Variants in HMGCS2 observed in about 807,000 individuals in gnomAD.
The protein encoded by HMGCS2 is hydroxymethylglutaryl-CoA synthase, mitochondrial.
Under a neutral mutation model 57.4 loss-of-function variants are expected in HMGCS2, and 50 were observed. The observed-to-expected ratio is 0.87, with a 90% confidence interval of 0.69 to 1.10. HMGCS2 has a LOEUF of 1.10. HMGCS2 is among the 50% of genes least tolerant of loss of function. The pLI, the probability that HMGCS2 is intolerant of heterozygous loss-of-function variation, is 0.00. For missense variants in HMGCS2, 627 were observed against 636.5 expected (o/e 0.99, Z 0.16); for synonymous variants, 254 against 245.1 (o/e 1.04, Z -0.34).
In HMGCS2 at chr1:119,753,296, G is replaced by A. The variant is rs1269917499; in HGVS notation, c.1278C>T (p.Ser426=). Residue 426 remains serine, a synonymous_variant, in exon 7 of 10, where the codon TCC becomes TCT. Coordinates refer to ENST00000369406, the MANE Select transcript of HMGCS2 (RefSeq NM_005518.4). ...GACACTCACCTGGAGCAGCATCCTG[G>A]GATACTCGAAATGAAAAGAAACTTG... is the stretch of plus-strand genomic sequence containing the variant. ...LAASFFSFRV[S]QDAAPGSPLD... 2.5e-6 allele frequency: 4 copies of A among 1,610,850 alleles called. No homozygotes were observed. The highest frequency in any genetic ancestry group is 3.3e-5 in the Admixed American group (2 of 59,926).
At chr1:119,751,256 C>T (rs2101245764) in intron 8 of HMGCS2, among the ~76,000 whole-genome samples, 1 of 152,294 alleles carries the variant, frequency 6.6e-6, no homozygotes, top group East Asian at 1.9e-4. Flanking sequence ...TTCCTGTTTC[C>T]TAACAGACAC....
chr1:119,768,531 C>T (rs1265830051), intron 1 of HMGCS2, among the ~76,000 whole-genome samples: 18 of 152,098 alleles, frequency 1.2e-4, no homozygotes, highest in Admixed American at 1.2e-3. Flanking sequence ...CAGCATGTGT[C>T]AGAGGTTTGG....
At chr1:119,752,143 C>T (rs1442612552) in intron 8 of HMGCS2, among the ~76,000 whole-genome samples, 1 of 152,160 alleles carries the variant, frequency 6.6e-6, no homozygotes, top group Non-Finnish European at 1.5e-5. Context: ...AGAAATAAGA[C>T]AACTGAGAAA....
intron 2 of HMGCS2, among the ~76,000 whole-genome samples, chr1:119,762,631 A>C (rs1270917172): frequency 6.6e-6 from 1 of 152,104 alleles, no homozygotes; most frequent in Non-Finnish European, 1.5e-5. Context: ...CAGAGTTCTC[A>C]TTCACACTGG....
chr1:119,753,796 G>A (rs1652743147), intron 6 of HMGCS2, among the ~76,000 whole-genome samples: 1 of 152,056 alleles, frequency 6.6e-6, no homozygotes, highest in South Asian at 2.1e-4. Context: ...GATTGGTAAT[G>A]GTTCAGCAGT....
intron 8 of HMGCS2, 108 bp downstream of exon 8, chr1:119,752,441 G>A (rs765351066): frequency 3.4e-5 from 42 of 1,231,346 alleles, no homozygotes; most frequent in Non-Finnish European, 4.1e-5. Context: ...ACCATATCTC[G>A]TAAAAGTCTT....
At chr1:119,752,289 A>T (rs1652685490) in intron 8 of HMGCS2, among the ~76,000 whole-genome samples, 1 of 152,176 alleles carries the variant, frequency 6.6e-6, no homozygotes, top group South Asian at 2.1e-4. Context: ...TCTGGCTTCC[A>T]TGGGACTACA....
chr1:119,763,980 A>G (rs1653124322), intron 2 of HMGCS2, among the ~76,000 whole-genome samples, 192 bp downstream of exon 2: 1 of 152,230 alleles, frequency 6.6e-6, no homozygotes, highest in Admixed American at 6.5e-5. Flanking sequence ...ATGAATGGCT[A>G]TGTGAACATG....
Position 119,750,901 on chromosome 1 carries a change from G to T in HMGCS2, c.1428C>A (p.Phe476Leu). ...QREQFYHKVN[F>L]SPPGDTNSLF... is the part of the protein sequence containing the mutation. ...GGCTGTTTGTGTCACCAGGTGGGGAGAAATTCACTGTGGAATGAGGAGAAG... is the reference window on the plus strand; with the variant it reads ...GGCTGTTTGTGTCACCAGGTGGGGATAAATTCACTGTGGAATGAGGAGAAG... Residue 476 changes from phenylalanine to leucine, a missense_variant, in exon 9 of 10, where the codon TTC becomes TTA. Phe to Leu is a conservative substitution (Grantham distance 22). Transcript: ENST00000369406. 6.3e-7 allele frequency: 1 copy of T among 1,597,746 alleles called. No individual in the cohort carries two copies. The highest frequency in any genetic ancestry group is 8.6e-7 in the Non-Finnish European group (1 of 1,165,192).
In HMGCS2 at chr1:119,764,611, AGAGG is replaced by A. The variant is rs1475398406; in HGVS notation, c.116_119del (p.Ala39ValfsTer68). The A allele has an allele frequency of 1.2e-6, 2 of 1,613,340 alleles. No homozygotes were observed. The highest frequency in any genetic ancestry group is 2.7e-5 in the African/African-American group (2 of 74,934). The stretch of plus-strand genomic sequence containing the variant: ...TATCTGTTTTGGCCAGGGGGACAGC[AGAGG>A]CTGTAGAAAACCTGTGATGGAGATA... On this transcript the variant is annotated frameshift_variant, in exon 2 of 10. Transcript: ENST00000369406. LOFTEE classifies it high-confidence loss of function.
At position 119,764,575 on chromosome 1, in the gene HMGCS2, C is replaced by T. The variant is rs772149969; in HGVS notation, c.156G>A (p.Lys52=). Residue 52 remains lysine, a synonymous_variant, in exon 2 of 10, where the codon AAG becomes AAA. Transcript: ENST00000369406. Reference sequence around the variant, plus strand: ...CCTCCAGGGCCAGGATGCCCACGTCCTTTGGCCAAGTATCTGTTTTGGCCA... The same window carrying T: ...CCTCCAGGGCCAGGATGCCCACGTCTTTTGGCCAAGTATCTGTTTTGGCCA... ...VPLAKTDTWP[K]DVGILALEVY... 1 of 1,614,078 alleles carries T rather than the reference C, an allele frequency of 6.2e-7. No individual in the cohort carries two copies. The highest frequency in any genetic ancestry group is 8.5e-7 in the Non-Finnish European group (1 of 1,180,058).
intron 1 of HMGCS2, among the ~76,000 whole-genome samples, chr1:119,767,712 G>T (rs1345040865): frequency 6.6e-6 from 1 of 152,214 alleles, no homozygotes; most frequent in Non-Finnish European, 1.5e-5. Context: ...TGAACCAAGG[G>T]AGTCAGAATG....
At chr1:119,749,505 C>T (rs1475884213) in intron 9 of HMGCS2, among the ~76,000 whole-genome samples, 1 of 151,930 alleles carries the variant, frequency 6.6e-6, no homozygotes. Context: ...TTCCAACATG[C>T]ACACAGGCTC....
At chr1:119,761,134 A>T (rs1653023644) in intron 2 of HMGCS2, among the ~76,000 whole-genome samples, 1 of 148,052 alleles carries the variant, frequency 6.8e-6, no homozygotes. Flanking sequence ...AAATGTAAGT[A>T]TATATTTAGT....
Position 119,753,291 on chromosome 1 carries a change from T to A in HMGCS2, c.1283A>T (p.Asp428Val), listed in dbSNP as rs1652721671. ...ASFFSFRVSQ[D>V]AAPGSPLDKL... is the part of the protein sequence containing the mutation. ...AAGATGACACTCACCTGGAGCAGCA[T>A]CCTGGGATACTCGAAATGAAAAGAA... The change falls in exon 7 of 10, where the codon GAT becomes GTT. Residue 428 changes from aspartate (D) to valine (V), a missense_variant. Physicochemically the swap from Asp to Val is radical, Grantham distance 152. Transcript: ENST00000369406. 6.2e-7 allele frequency: 1 copy of A among 1,609,764 alleles called. No individual in the cohort carries two copies. The highest frequency in any genetic ancestry group is 8.5e-7 in the Non-Finnish European group (1 of 1,176,294).
At chr1:119,759,032 G>A (rs1652943562) in intron 4 of HMGCS2, 86 bp downstream of exon 4, 10 of 1,279,434 alleles carry the variant, frequency 7.8e-6, no homozygotes, top group South Asian at 1.2e-5. Flanking sequence ...CAAGGCAGGA[G>A]AGAAAAGACC....
At chr1:119,762,902 A>T (rs12562383) in intron 2 of HMGCS2, among the ~76,000 whole-genome samples, 53,735 of 152,000 alleles carry the variant, frequency 0.35, 9,915 homozygotes, top group Non-Finnish European at 0.41. Context: ...TCTCAAGAAT[A>T]GGCTCTTTGA....
chr1:119,758,819 C>T (rs1652935890), intron 4 of HMGCS2, among the ~76,000 whole-genome samples: 1 of 152,246 alleles, frequency 6.6e-6, no homozygotes, highest in Non-Finnish European at 1.5e-5. Flanking sequence ...ACTGCCCAGC[C>T]TCTTAACACC....
At chr1:119,757,227 T>G (rs1249272065) in intron 5 of HMGCS2, 46 bp downstream of exon 5, 7 of 1,613,430 alleles carry the variant, frequency 4.3e-6, no homozygotes, top group Non-Finnish European at 5.9e-6. Flanking sequence ...GCCTCCTTCT[T>G]GCTCACACCT....
Sources: allele counts gnomAD v4.1 joint callset (sites outside exome capture counted in the v4.1 genomes callset), GRCh38; gene constraint gnomAD v4.1.1; transcripts MANE v1.5; gene names NCBI Gene and HGNC (gene_info 2026-07-23, HGNC 2026-07-21).